The following PATJ variants were observed in gnomAD, a reference collection of about 807,000 sequenced individuals.
The protein encoded by PATJ is PATJ crumbs cell polarity complex component, also known as inaD-like protein.
A neutral mutation model predicts 224.9 loss-of-function variants in PATJ; 190 were observed. That is an observed-to-expected ratio of 0.84 (90% CI 0.75 to 0.95). The LOEUF is 0.95. PATJ is among the 40% of genes least tolerant of loss of function. PATJ has a pLI of 0.00. For synonymous variants in PATJ, 769 were observed against 820.3 expected (o/e 0.94, Z 1.07); for missense variants, 2,121 against 2,270.3 (o/e 0.93, Z 1.34).
chr1:61,896,859 G>A (rs1406593293), intron 22 of PATJ, among the ~76,000 whole-genome samples: 1 of 152,080 alleles, frequency 6.6e-6, no homozygotes, highest in Non-Finnish European at 1.5e-5. Context: ...CTTACCTTCT[G>A]CCATGTTTGT....
chr1:61,830,915 A>G (rs1288274177), intron 16 of PATJ, among the ~76,000 whole-genome samples: 2 of 152,140 alleles, frequency 1.3e-5, no homozygotes, highest in Admixed American at 6.6e-5. Context: ...TAGGCCGGGC[A>G]TGGTGACTCA....
intron 43 of PATJ, among the ~76,000 whole-genome samples, chr1:62,154,669 G>GA (rs1558244667): frequency 7.0e-6 from 1 of 142,886 alleles, no homozygotes; most frequent in African/African-American, 2.6e-5. Flanking sequence ...AAAAAGAAAA[G>GA]AGAGAGAGAG....
chr1:62,047,349 T>G (rs1457012017), intron 30 of PATJ, among the ~76,000 whole-genome samples: 1 of 152,196 alleles, frequency 6.6e-6, no homozygotes, highest in Non-Finnish European at 1.5e-5. Context: ...CTCTGCCTCC[T>G]GGGTTCAAGC....
At chr1:61,765,427 C>T (rs1323490089) in intron 3 of PATJ, among the ~76,000 whole-genome samples, 1 of 151,676 alleles carries the variant, frequency 6.6e-6, no homozygotes, top group Admixed American at 6.6e-5. Context: ...CTCTGTCATC[C>T]AGGCTGAGTG....
intron 24 of PATJ, among the ~76,000 whole-genome samples, chr1:61,902,943 C>CA (rs1671391240): frequency 6.6e-6 from 1 of 152,090 alleles, no homozygotes; most frequent in Admixed American, 6.6e-5. Flanking sequence ...CATGCAAAAG[C>CA]TCCGAGGTAG....
chr1:61,784,163 T>C (rs1353482318), intron 7 of PATJ, among the ~76,000 whole-genome samples: 1 of 152,230 alleles, frequency 6.6e-6, no homozygotes, highest in African/African-American at 2.4e-5. Flanking sequence ...TTTTTTCTCT[T>C]TTGAAAGAAT....
chr1:61,805,796 A>C (rs978343999), intron 13 of PATJ, among the ~76,000 whole-genome samples: 2 of 152,218 alleles, frequency 1.3e-5, no homozygotes, highest in African/African-American at 4.8e-5. Flanking sequence ...AATAGACAGA[A>C]AACTGTTGGG....
chr1:61,876,620 AC>A (rs976598459), intron 21 of PATJ, among the ~76,000 whole-genome samples: 9 of 152,126 alleles, frequency 5.9e-5, no homozygotes, highest in African/African-American at 2.2e-4. Flanking sequence ...CCAGTGGCAC[AC>A]CCTCTCCCAG....
intron 30 of PATJ, among the ~76,000 whole-genome samples, chr1:62,049,064 G>A (rs566646731): frequency 3.0e-4 from 46 of 152,172 alleles, no homozygotes; most frequent in African/African-American, 9.9e-4. Flanking sequence ...CAATTCTAAA[G>A]TCCATGCTGC....
In PATJ at chr1:61,769,705, A is replaced by ACT. The variant is rs1360560134; in HGVS notation, c.524+283_524+284insCT. 2.6e-5 allele frequency among the ~76,000 whole-genome samples: 4 copies of ACT among 152,192 alleles called. No homozygotes were observed. The East Asian group carries it at 7.7e-4, about 29-fold the overall frequency. On this transcript the variant is annotated intron_variant, in intron 5 of 43. Coordinates refer to ENST00000642238, the MANE Select transcript of PATJ (RefSeq NM_001350145.3). Reference sequence around the variant, plus strand: ...TCACAGAGCTGTTAATGCTGGAGCCATGATGTGATTCCAAGACCATCTGAC... The same window carrying ACT: ...TCACAGAGCTGTTAATGCTGGAGCCACTTGATGTGATTCCAAGACCATCTGAC...
At chr1:61,782,764 A>G (rs1190100784) in intron 7 of PATJ, among the ~76,000 whole-genome samples, 1 of 152,156 alleles carries the variant, frequency 6.6e-6, no homozygotes, top group Non-Finnish European at 1.5e-5. Flanking sequence ...CCTTGAGAAC[A>G]TTCTATCAGT....
intron 14 of PATJ, among the ~76,000 whole-genome samples, chr1:61,813,376 T>TACACAC (rs1280999546): frequency 1.6e-4 from 6 of 36,826 alleles, no homozygotes; most frequent in African/African-American, 6.4e-4. Flanking sequence ...TATATATATA[T>TACACAC]ATACACACAC....
At chr1:61,779,113 A>G (rs1360979146) in intron 7 of PATJ, among the ~76,000 whole-genome samples, 1 of 152,198 alleles carries the variant, frequency 6.6e-6, no homozygotes, top group Non-Finnish European at 1.5e-5. Context: ...CTCAGTACCA[A>G]TTTTTGCATA....
chr1:61,958,017 A>G (rs561015752), intron 27 of PATJ, among the ~76,000 whole-genome samples: 1 of 152,340 alleles, frequency 6.6e-6, no homozygotes, highest in South Asian at 2.1e-4. Context: ...TAAGTATTTA[A>G]TACATTGCTT....
At chr1:62,074,499 T>C (rs1432295618) in intron 31 of PATJ, among the ~76,000 whole-genome samples, 5 of 152,016 alleles carry the variant, frequency 3.3e-5, no homozygotes, top group African/African-American at 4.8e-5. Context: ...AGTAGTGCAA[T>C]CATAGCTCAC....
chr1:61,882,490 C>A (rs1284811371), intron 21 of PATJ, among the ~76,000 whole-genome samples: 1 of 152,104 alleles, frequency 6.6e-6, no homozygotes. Context: ...TATAGTCTTC[C>A]AAATTTTTCC....
intron 24 of PATJ, 88 bp downstream of exon 24, chr1:61,901,547 T>C (rs533775496): frequency 5.3e-4 from 485 of 923,116 alleles, no homozygotes; most frequent in Non-Finnish European, 7.6e-4. Flanking sequence ...TCTTTATGTG[T>C]TGGGGACCGT....
At chr1:62,063,047 T>C (rs998611889) in intron 31 of PATJ, among the ~76,000 whole-genome samples, 3 of 152,216 alleles carry the variant, frequency 2.0e-5, no homozygotes, top group African/African-American at 7.2e-5. Flanking sequence ...TTGGTTGCAA[T>C]TGTTTTTGAG....
At chr1:61,801,985 G>T (rs1252103056) in intron 12 of PATJ, among the ~76,000 whole-genome samples, 2 of 143,944 alleles carry the variant, frequency 1.4e-5, no homozygotes, top group African/African-American at 2.6e-5. Flanking sequence ...TGTGCACAAC[G>T]TGCAGGTTTG....
Sources: allele counts gnomAD v4.1 joint callset (sites outside exome capture counted in the v4.1 genomes callset), GRCh38; gene constraint gnomAD v4.1.1; transcripts MANE v1.5; gene names NCBI Gene and HGNC (gene_info 2026-07-23, HGNC 2026-07-21).